COL21A1: variants seen among roughly 807,000 people sequenced by gnomAD.
COL21A1 encodes collagen alpha-1(XXI) chain.
Under a neutral mutation model 137.9 loss-of-function variants are expected in COL21A1, and 149 were observed. The ratio of observed to expected loss-of-function variants is 1.08; its 90% confidence interval spans 0.95 to 1.24. The LOEUF is 1.24. Ranked by LOEUF, COL21A1 falls within the 50% of genes most tolerant of loss-of-function variation. The pLI is 0.00. For missense variants in COL21A1, 1,167 were observed against 1,158.4 expected (o/e 1.01, Z -0.11); for synonymous variants, 456 against 391.5 (o/e 1.16, Z -1.95).
intron 1 of COL21A1, among the ~76,000 whole-genome samples, chr6:56,393,758 T>A (rs2094034564): frequency 6.6e-6 from 1 of 152,042 alleles, no homozygotes; most frequent in Non-Finnish European, 1.5e-5. Context: ...GTCCCCAGAG[T>A]GTGCTAGTCC....
intron 1 of COL21A1, among the ~76,000 whole-genome samples, chr6:56,338,042 A>G (rs1765374177): frequency 6.8e-6 from 1 of 146,542 alleles, no homozygotes; most frequent in Non-Finnish European, 1.5e-5. Context: ...GGCTCACTGC[A>G]ACCTCCGCCT....
At chr6:56,084,911 C>G (rs757942496) in intron 17 of COL21A1, among the ~76,000 whole-genome samples, 2 of 152,020 alleles carry the variant, frequency 1.3e-5, no homozygotes, top group African/African-American at 2.4e-5. Flanking sequence ...AACACATTTG[C>G]TAAGTTTTCA....
At chr6:56,210,677 T>C (rs912274983) in intron 1 of COL21A1, among the ~76,000 whole-genome samples, 15 of 152,176 alleles carry the variant, frequency 9.9e-5, no homozygotes, top group African/African-American at 3.1e-4. Context: ...CACATCACCC[T>C]CTTCTGTGAA....
chr6:56,095,549 C>A (rs937540441), intron 17 of COL21A1, among the ~76,000 whole-genome samples: 1 of 152,200 alleles, frequency 6.6e-6, no homozygotes, highest in Non-Finnish European at 1.5e-5. Flanking sequence ...ACACCTAAAG[C>A]CCTTCCTGGT....
In COL21A1 at chr6:56,057,174, TCAC is replaced by T. The variant is rs1412146064; in HGVS notation, c.*480_*482del. On this transcript the variant is annotated 3_prime_UTR_variant, in exon 30 of 30. Coordinates refer to ENST00000244728, the MANE Select transcript of COL21A1 (RefSeq NM_030820.4). ...TGAGACACTGTAGTAAATGAGTAGTTCACCAATACTGTCTATCCCAGGTGAATA... is the reference window on the plus strand; with the variant it reads ...TGAGACACTGTAGTAAATGAGTAGTTCAATACTGTCTATCCCAGGTGAATA... The T allele has an allele frequency of 4.4e-5, 8 of 183,780 alleles. No individual in the cohort carries two copies. The highest frequency in any genetic ancestry group is 8.8e-5 in the Non-Finnish European group (8 of 90,514). 11.4% of individuals were successfully genotyped at this position (183,780 alleles called of 1,614,324 possible). A position where few individuals can be genotyped will look rare whatever the true frequency, so the allele number is the denominator to read the frequency against.
At chr6:56,163,507 G>A (rs1174900612) in intron 9 of COL21A1, among the ~76,000 whole-genome samples, 1 of 152,052 alleles carries the variant, frequency 6.6e-6, no homozygotes, top group Non-Finnish European at 1.5e-5. Flanking sequence ...TCAAGAGATC[G>A]AGACGATCCT....
intron 1 of COL21A1, among the ~76,000 whole-genome samples, chr6:56,232,862 GC>G (rs1781660627): frequency 6.6e-6 from 1 of 151,848 alleles, no homozygotes; most frequent in African/African-American, 2.4e-5. Context: ...AATTACAGGT[GC>G]TTTTGAATAT....
At chr6:56,127,092 T>C (rs1025335978) in intron 12 of COL21A1, among the ~76,000 whole-genome samples, 1 of 152,180 alleles carries the variant, frequency 6.6e-6, no homozygotes, top group Non-Finnish European at 1.5e-5. Flanking sequence ...TTCCATTTTC[T>C]TCATTATCTA....
At chr6:56,356,288 A>G (rs186894543) in intron 1 of COL21A1, among the ~76,000 whole-genome samples, 7 of 152,254 alleles carry the variant, frequency 4.6e-5, no homozygotes, top group Non-Finnish European at 1.0e-4. Flanking sequence ...AGATGTCTCA[A>G]TCTCAGCACT....
At chr6:56,353,865 C>CA (rs925925737) in intron 1 of COL21A1, among the ~76,000 whole-genome samples, 2 of 151,450 alleles carry the variant, frequency 1.3e-5, no homozygotes, top group Non-Finnish European at 2.9e-5. Flanking sequence ...AAAAGTAGAA[C>CA]AAAAAAAATT....
At chr6:56,218,296 T>TA (rs11416360) in intron 1 of COL21A1, among the ~76,000 whole-genome samples, 51,152 of 148,238 alleles carry the variant, frequency 0.35, 9,030 homozygotes, top group Middle Eastern at 0.44. Flanking sequence ...TATGGCTTTG[T>TA]AAAAAAAAAA....
chr6:56,093,343 A>G (rs1769032701), intron 17 of COL21A1, among the ~76,000 whole-genome samples: 1 of 152,204 alleles, frequency 6.6e-6, no homozygotes, highest in African/African-American at 2.4e-5. Context: ...ATCTAAATTA[A>G]TAAATCGCTC....
At chr6:56,278,272 A>T (rs1283018712) in intron 1 of COL21A1, among the ~76,000 whole-genome samples, 1 of 152,216 alleles carries the variant, frequency 6.6e-6, no homozygotes, top group Non-Finnish European at 1.5e-5. Flanking sequence ...ATGTTTAAAC[A>T]ACTGTGAGAT....
At chr6:56,104,029 T>C (rs904401529) in intron 16 of COL21A1, among the ~76,000 whole-genome samples, 1 of 152,216 alleles carries the variant, frequency 6.6e-6, no homozygotes. Flanking sequence ...TAACATTATA[T>C]AGCTTTTCAC....
intron 12 of COL21A1, among the ~76,000 whole-genome samples, chr6:56,127,226 GT>G (rs1773120118): frequency 6.6e-6 from 1 of 152,182 alleles, no homozygotes; most frequent in African/African-American, 2.4e-5. Flanking sequence ...TAAATCAGTA[GT>G]CAGGGTTTAT....
rs184721384 is a variant in COL21A1, at chr6:56,328,957, G to C, written c.-39+65014C>G. 3.5e-3 allele frequency among the ~76,000 whole-genome samples: 529 copies of C among 152,076 alleles called. 2 individuals are homozygous for C. Among genetic ancestry groups the C allele is most frequent in the African/African-American group, 0.012 (501 of 41,514 alleles). On this transcript the variant is annotated intron_variant, in intron 1 of 28. Transcript: ENST00000370819. The stretch of plus-strand genomic sequence containing the variant: ...TCTGGACAATTCCAAAGGAAGAGTC[G>C]TATAGTTCAGAGCCTTCAGAGCCCA...
intron 1 of COL21A1, among the ~76,000 whole-genome samples, chr6:56,193,790 C>CTT (rs1314689384): frequency 2.4e-5 from 2 of 82,130 alleles, no homozygotes; most frequent in East Asian, 1.6e-3. Flanking sequence ...AGGAGTCTCA[C>CTT]TCTCACCAGG....
rs184725453 is a variant in COL21A1, at chr6:56,324,994, G to T, written c.-39+68977C>A. Among the ~76,000 whole-genome samples the T allele has an allele frequency of 3.2e-3, 489 of 151,408 alleles. 15 individuals are homozygous for T. The highest frequency in any genetic ancestry group is 0.03 in the Admixed American group (446 of 15,050). On this transcript the variant is annotated intron_variant, in intron 1 of 28. Transcript: ENST00000370819. ...CAAAGAATATGAACAAACAGATCTT[G>T]CCAAGTTTCTCCTAGTTTATTACCA...
chr6:56,276,439 C>A, intron 1 of COL21A1: 2 of 594,206 alleles, frequency 3.4e-6, no homozygotes, highest in Non-Finnish European at 5.8e-6. Context: ...TTAAAGTCAA[C>A]AAAAGTCTTT....
Sources: allele counts gnomAD v4.1 joint callset (sites outside exome capture counted in the v4.1 genomes callset), GRCh38; gene constraint gnomAD v4.1.1; transcripts MANE v1.5; gene names NCBI Gene and HGNC (gene_info 2026-07-23, HGNC 2026-07-21).